The following CSNK1E variants were observed in gnomAD, a reference collection of about 807,000 sequenced individuals.
CSNK1E encodes the protein casein kinase I isoform epsilon.
Under a neutral mutation model 46.1 loss-of-function variants are expected in CSNK1E, and 17 were observed. The observed-to-expected ratio is 0.37, with a 90% confidence interval of 0.25 to 0.55. CSNK1E has a LOEUF of 0.55. Among genes scored for constraint, CSNK1E ranks in the 20% least tolerant of loss-of-function variants. The pLI, the probability that CSNK1E is intolerant of heterozygous loss-of-function variation, is 0.82. For synonymous variants in CSNK1E, 241 were observed against 242.6 expected, an observed-to-expected ratio of 0.99 and a Z score of 0.06; for missense variants, 386 against 595.4, an observed-to-expected ratio of 0.65 and a Z score of 3.66.
At chr22:38,296,187 G>C in intron 7 of CSNK1E, 2 of 1,016,254 alleles carry the variant, frequency 2.0e-6, no homozygotes, top group Non-Finnish European at 2.4e-6. Context: ...CCCATAGGAC[G>C]CAAGAAACAC....
At chr22:38,293,344 G>A (rs1207549173) in intron 9 of CSNK1E, 25 bp from the exon 10 acceptor site, 1 of 1,485,980 alleles carries the variant, frequency 6.7e-7, no homozygotes, top group South Asian at 1.1e-5. Flanking sequence ...GAGGGAGAGA[G>A]GGGGAGGGAG....
chr22:38,306,283 G>A (rs941701236), intron 2 of CSNK1E, among the ~76,000 whole-genome samples: 7 of 152,140 alleles, frequency 4.6e-5, no homozygotes, highest in Non-Finnish European at 1.5e-5. Context: ...GGAAGGGGTG[G>A]GGGACGCTTC....
At chr22:38,311,195 G>A (rs1421410610) in intron 2 of CSNK1E, among the ~76,000 whole-genome samples, 1 of 152,140 alleles carries the variant, frequency 6.6e-6, no homozygotes, top group African/African-American at 2.4e-5. Context: ...TACACGCCAC[G>A]ACCTCATTAC....
chr22:38,295,474 G>GT, intron 7 of CSNK1E: 1 of 803,258 alleles, frequency 1.2e-6, no homozygotes, highest in Non-Finnish European at 1.5e-6. Flanking sequence ...TCTGGGCTGA[G>GT]TTGGGGGCCT....
intron 2 of CSNK1E, among the ~76,000 whole-genome samples, chr22:38,308,484 G>C (rs572233063): frequency 3.3e-5 from 5 of 152,028 alleles, no homozygotes; most frequent in African/African-American, 9.7e-5. Flanking sequence ...ATCCTGACTC[G>C]GACATCCCCT....
intron 2 of CSNK1E, among the ~76,000 whole-genome samples, chr22:38,311,917 G>C (rs980568841): frequency 2.0e-5 from 3 of 150,106 alleles, no homozygotes; most frequent in Non-Finnish European, 4.4e-5. Flanking sequence ...CCATTCTTCC[G>C]CCTCAGCCTC....
rs1015898801 is a variant in CSNK1E at position 38,294,825 on chromosome 22, G to A, written c.886-291C>T. Among the ~76,000 whole-genome samples the A allele has an allele frequency of 6.6e-6, 1 of 152,214 alleles. No homozygotes were observed. The highest frequency in any genetic ancestry group is 2.4e-5 in the African/African-American group (1 of 41,460). ...AGAGAAAGGACAACTAATGCGCCCAGGATGATCAAGAGCACCTCTTGGCCC... is the reference window on the plus strand; with the variant it reads ...AGAGAAAGGACAACTAATGCGCCCAAGATGATCAAGAGCACCTCTTGGCCC... On this transcript the variant is annotated intron_variant, in intron 7 of 10. Transcript: ENST00000396832. The surrounding 1 kb of genome is among the most constrained non-coding windows in gnomAD (Gnocchi z 5.5).
rs939672272 is a variant in CSNK1E, at chr22:38,298,584, G to A, written c.885+202C>T. The A allele has an allele frequency of 6.5e-6, 4 of 615,694 alleles. No homozygotes were observed. The highest frequency in any genetic ancestry group is 1.8e-5 in the African/African-American group (1 of 54,244). The allele number at this position is 615,694 out of a possible 1,614,324, so 38.1% of individuals were successfully genotyped here. A position where few individuals can be genotyped will look rare whatever the true frequency, so the allele number is the denominator to read the frequency against. On this transcript the variant is annotated intron_variant, in intron 7 of 10. Transcript: ENST00000396832. This position sits in a 1 kb window ranked among gnomAD's most constrained non-coding sequence, Gnocchi z 4.2. ...CCGACGGGAGACAGCGCCCTGCCTGGGCCCTGCTGCCCATGGTGGCACAAG... is the reference window on the plus strand; with the variant it reads ...CCGACGGGAGACAGCGCCCTGCCTGAGCCCTGCTGCCCATGGTGGCACAAG...
chr22:38,307,778 C>T (rs1464459822), intron 2 of CSNK1E, among the ~76,000 whole-genome samples: 1 of 152,184 alleles, frequency 6.6e-6, no homozygotes, highest in South Asian at 2.1e-4. Flanking sequence ...CTCACTGCAG[C>T]CTCAACCTCT....
At chr22:38,314,891 G>A (rs2092737105) in intron 1 of CSNK1E, among the ~76,000 whole-genome samples, 1 of 151,832 alleles carries the variant, frequency 6.6e-6, no homozygotes, top group Non-Finnish European at 1.5e-5. Context: ...GCCTGGGGCA[G>A]AGGAGGGACC....
At position 38,294,400 on chromosome 22, in the gene CSNK1E, C is replaced by A. The variant is rs1251661109; in HGVS notation, c.1020G>T (p.Arg340=). 1.3e-6 allele frequency: 2 copies of A among 1,556,384 alleles called. No homozygotes were observed. Among genetic ancestry groups the A allele is most frequent in the Non-Finnish European group, 1.7e-6 (2 of 1,153,450 alleles). ...CCACGGGCTCGGCGGCACTGCGGAG[C>A]CGGTTGGCAGTGGCCCCCGTGGGTG... ...PGPPTGATAN[R]LRSAAEPVAS... The change falls in exon 8 of 11, where the codon CGG becomes CGT. Residue 340 remains arginine, a synonymous_variant. Coordinates refer to ENST00000396832, the MANE Select transcript of CSNK1E (RefSeq NM_152221.3). The surrounding 1 kb of genome is among the most constrained non-coding windows in gnomAD (Gnocchi z 5.5).
At chr22:38,308,533 G>A (rs1005143771) in intron 2 of CSNK1E, among the ~76,000 whole-genome samples, 2 of 152,166 alleles carry the variant, frequency 1.3e-5, no homozygotes, top group South Asian at 2.1e-4. Context: ...ACCCCTCTGA[G>A]CCCCAGGTAC....
chr22:38,312,096 T>A (rs2092723550), intron 2 of CSNK1E, among the ~76,000 whole-genome samples: 1 of 151,796 alleles, frequency 6.6e-6, no homozygotes, highest in Non-Finnish European at 1.5e-5. Flanking sequence ...GAGCCATATC[T>A]CCTGGCCTCC....
At chr22:38,297,254 C>G in intron 7 of CSNK1E, 1 of 692,138 alleles carries the variant, frequency 1.4e-6, no homozygotes, top group South Asian at 1.5e-5. Flanking sequence ...AAGAAAGTGC[C>G]CAGTGCCCAA....
In CSNK1E at chr22:38,303,187, G is replaced by A. The variant is rs1272366241; in HGVS notation, c.138C>T (p.His46=). The A allele has an allele frequency of 3.7e-6, 6 of 1,610,758 alleles. No homozygotes were observed. Among genetic ancestry groups the A allele is most frequent in the Non-Finnish European group, 4.2e-6 (5 of 1,179,008 alleles). Residue 46 remains histidine, a synonymous_variant, in exon 3 of 11, where the codon CAC becomes CAT. Coordinates refer to ENST00000396832, the MANE Select transcript of CSNK1E (RefSeq NM_152221.3). The surrounding 1 kb of genome is among the most constrained non-coding windows in gnomAD (Gnocchi z 4.7). ...ACTTGCTCTCGATGTGCAGCTGGGG[G>A]TGCTTTGTCTTCACACACTCCAGCT... The part of the protein sequence containing the change: ...AIKLECVKTK[H]PQLHIESKFY...
intron 7 of CSNK1E, chr22:38,296,817 G>T: frequency 8.9e-7 from 1 of 1,127,194 alleles, no homozygotes; most frequent in Non-Finnish European, 1.3e-6. Context: ...GGATGTGGTG[G>T]CCACTGGAGG....
At chr22:38,304,105 G>A (rs2092687507) in intron 2 of CSNK1E, among the ~76,000 whole-genome samples, 1 of 152,202 alleles carries the variant, frequency 6.6e-6, no homozygotes, top group African/African-American at 2.4e-5. Context: ...ATGAGATGAA[G>A]GGCTGGGGCT....
At chr22:38,314,293 C>T (rs2092733991) in intron 1 of CSNK1E, 124 bp from the exon 2 acceptor site, 2 of 682,150 alleles carry the variant, frequency 2.9e-6, no homozygotes. Context: ...CCACATTCTG[C>T]AGGTGTCAGG....
At chr22:38,305,467 A>AAAAGAAG (rs2092694488) in intron 2 of CSNK1E, among the ~76,000 whole-genome samples, 2 of 135,790 alleles carry the variant, frequency 1.5e-5, no homozygotes, top group Non-Finnish European at 3.1e-5. Context: ...CCTCTCCAAA[A>AAAAGAAG]AAAAAAGAAT....
Sources: allele counts gnomAD v4.1 joint callset (sites outside exome capture counted in the v4.1 genomes callset), GRCh38; gene constraint gnomAD v4.1.1; non-coding constraint Gnocchi (gnomAD v3.1); transcripts MANE v1.5; gene names NCBI Gene and HGNC (gene_info 2026-07-23, HGNC 2026-07-21).